ARHGAP24: variants seen among roughly 807,000 people sequenced by gnomAD.
ARHGAP24 encodes the protein Rho GTPase activating protein 24, also known as rho GTPase-activating protein 24.
ARHGAP24 carries 50 observed loss-of-function variants against 76.4 expected under a neutral mutation model. That is an observed-to-expected ratio of 0.65 (90% CI 0.52 to 0.83). The LOEUF is 0.83. Among genes scored for constraint, ARHGAP24 ranks in the 40% least tolerant of loss-of-function variants. The pLI is 0.00. For synonymous variants in ARHGAP24, 345 were observed against 323.3 expected, an observed-to-expected ratio of 1.07 and a Z score of -0.72; for missense variants, 930 against 914.2, an observed-to-expected ratio of 1.02 and a Z score of -0.22.
intron 3 of ARHGAP24, among the ~76,000 whole-genome samples, chr4:85,767,429 C>T (rs1180706184): frequency 6.6e-6 from 1 of 152,064 alleles, no homozygotes; most frequent in Non-Finnish European, 1.5e-5. Context: ...CACACATTCA[C>T]ATGTGAATGC....
chr4:85,664,003 A>G (rs560283979), intron 2 of ARHGAP24, among the ~76,000 whole-genome samples: 8 of 151,630 alleles, frequency 5.3e-5, no homozygotes, highest in South Asian at 4.1e-4. Context: ...GTCTCTGCCC[A>G]GGTTTGGTAT....
Position 85,485,388 on chromosome 4 carries a change from T to A in ARHGAP24, c.-21+9829T>A, listed in dbSNP as rs1305955144. On this transcript the variant is annotated intron_variant, in intron 1 of 9. Coordinates refer to ENST00000395184, the MANE Select transcript of ARHGAP24 (RefSeq NM_001025616.3). ...AAAAAAAAAAAAAAATATATATATA[T>A]ATATATATATATATATATATATATA... is the stretch of plus-strand genomic sequence containing the variant. Among the ~76,000 whole-genome samples the A allele has an allele frequency of 9.9e-3, 719 of 72,378 alleles. 13 individuals are homozygous for A. Among genetic ancestry groups the A allele is most frequent in the East Asian group, 0.013 (27 of 2,156 alleles). The allele number at this position is 72,378 out of a possible 152,430, so 47.5% of individuals were successfully genotyped here. A position where few individuals can be genotyped will look rare whatever the true frequency, so the allele number is the denominator to read the frequency against.
At chr4:85,534,966 C>T (rs927993179) in intron 1 of ARHGAP24, among the ~76,000 whole-genome samples, 2 of 144,726 alleles carry the variant, frequency 1.4e-5, no homozygotes, top group Non-Finnish European at 3.1e-5. Flanking sequence ...GAAACAAAAA[C>T]AAAAACAAAA....
chr4:85,596,386 A>G (rs1035698582), intron 2 of ARHGAP24, among the ~76,000 whole-genome samples: 4 of 152,062 alleles, frequency 2.6e-5, no homozygotes, highest in Non-Finnish European at 5.9e-5. Flanking sequence ...GCAGTTGTTC[A>G]AAAACAACTC....
At chr4:85,581,908 C>T (rs1727631981) in intron 2 of ARHGAP24, among the ~76,000 whole-genome samples, 1 of 151,962 alleles carries the variant, frequency 6.6e-6, no homozygotes, top group Non-Finnish European at 1.5e-5. Flanking sequence ...AGTTGCGTTA[C>T]CTTGTATTAG....
intron 3 of ARHGAP24, among the ~76,000 whole-genome samples, chr4:85,818,264 C>A (rs1257196484): frequency 2.0e-5 from 3 of 152,208 alleles, no homozygotes; most frequent in African/African-American, 7.2e-5. Flanking sequence ...CAGAGGTTCT[C>A]AAGGACTGAG....
chr4:85,721,770 T>C, intron 2 of ARHGAP24, 115 bp from the exon 3 acceptor site: 1 of 840,492 alleles, frequency 1.2e-6, no homozygotes, highest in South Asian at 1.5e-5. Flanking sequence ...AAGATTCTGA[T>C]GCATCTTACT....
chr4:85,610,026 C>T (rs576470034), intron 2 of ARHGAP24, among the ~76,000 whole-genome samples: 6 of 152,072 alleles, frequency 3.9e-5, no homozygotes, highest in Non-Finnish European at 5.9e-5. Flanking sequence ...GATGATTGGG[C>T]ATAAGACAAT....
chr4:85,716,120 A>C (rs1264982225), intron 2 of ARHGAP24, among the ~76,000 whole-genome samples: 1 of 152,050 alleles, frequency 6.6e-6, no homozygotes, highest in African/African-American at 2.4e-5. Context: ...TTATTAAACT[A>C]ACAGAGCTAT....
At chr4:85,632,883 T>C (rs1721202296) in intron 2 of ARHGAP24, among the ~76,000 whole-genome samples, 1 of 152,002 alleles carries the variant, frequency 6.6e-6, no homozygotes, top group Non-Finnish European at 1.5e-5. Flanking sequence ...TGTTCTAGGA[T>C]GCTAATTACC....
chr4:85,847,264 T>G (rs1228932078), intron 3 of ARHGAP24, among the ~76,000 whole-genome samples: 1 of 152,212 alleles, frequency 6.6e-6, no homozygotes, highest in Non-Finnish European at 1.5e-5. Flanking sequence ...TTCATTCATT[T>G]AACAAATATT....
At chr4:85,559,504 CCTGT>C (rs1324335845) in intron 1 of ARHGAP24, among the ~76,000 whole-genome samples, 8 of 152,188 alleles carry the variant, frequency 5.3e-5, no homozygotes, top group Non-Finnish European at 1.2e-4. Context: ...ACATTTTCCT[CCTGT>C]CTAATTGGCA....
In ARHGAP24 at chr4:85,740,225, T is replaced by G. The variant is rs869275348; in HGVS notation, c.268+18253T>G. Among the ~76,000 whole-genome samples the G allele has an allele frequency of 1.7e-3, 36 of 21,300 alleles. No individual in the cohort carries two copies. The Admixed American group carries it at 0.021, about 12-fold the overall frequency. 14.0% of individuals were successfully genotyped at this position (21,300 alleles called of 152,430 possible). ...ATTCTTTTTGTTGTTGTTGTTGGGGTTTTTTTTTTTTTTAGACGGAGTGTT... is the reference window on the plus strand; with the variant it reads ...ATTCTTTTTGTTGTTGTTGTTGGGGGTTTTTTTTTTTTTAGACGGAGTGTT... On this transcript the variant is annotated intron_variant, in intron 3 of 9. Coordinates refer to ENST00000395184, the MANE Select transcript of ARHGAP24 (RefSeq NM_001025616.3).
At chr4:85,865,617 G>A (rs988001236) in intron 3 of ARHGAP24, among the ~76,000 whole-genome samples, 1 of 148,200 alleles carries the variant, frequency 6.7e-6, no homozygotes, top group African/African-American at 2.5e-5. Context: ...TTATAATTAG[G>A]GAATGTACAT....
chr4:85,774,834 T>G (rs2110080665), intron 3 of ARHGAP24, among the ~76,000 whole-genome samples: 1 of 152,288 alleles, frequency 6.6e-6, no homozygotes, highest in South Asian at 2.1e-4. Context: ...GGACTTAAGT[T>G]AGATGTTTGT....
intron 3 of ARHGAP24, among the ~76,000 whole-genome samples, chr4:85,851,794 T>A (rs1403314562): frequency 6.6e-6 from 1 of 152,230 alleles, no homozygotes; most frequent in Non-Finnish European, 1.5e-5. Context: ...TCATCTGGCT[T>A]GTAGGGTTTC....
chr4:85,656,586 G>A (rs1722180974), intron 2 of ARHGAP24, among the ~76,000 whole-genome samples: 1 of 152,082 alleles, frequency 6.6e-6, no homozygotes, highest in Non-Finnish European at 1.5e-5. Flanking sequence ...TCCTGCCTCA[G>A]TCTCCCAAGT....
At chr4:85,477,400 T>C (rs1733664059) in intron 1 of ARHGAP24, among the ~76,000 whole-genome samples, 1 of 152,176 alleles carries the variant, frequency 6.6e-6, no homozygotes, top group Non-Finnish European at 1.5e-5. Flanking sequence ...TGGGAAAGAA[T>C]TAAGTTATCT....
intron 3 of ARHGAP24, among the ~76,000 whole-genome samples, chr4:85,922,214 T>C (rs1000358370): frequency 1.3e-5 from 2 of 152,226 alleles, no homozygotes; most frequent in Non-Finnish European, 1.5e-5. Context: ...CTTATAGTTA[T>C]TGCGCTTCTC....
Sources: gnomAD v4.1 joint callset for allele counts (sites outside exome capture counted in the v4.1 genomes callset) on GRCh38, gnomAD v4.1.1 for gene constraint, MANE v1.5 for transcripts, NCBI Gene and HGNC (gene_info 2026-07-23, HGNC 2026-07-21) for gene names.